The following PRR5L variants were observed in gnomAD, a reference collection of about 807,000 sequenced individuals.
PRR5L encodes proline rich 5 like, also known as proline-rich protein 5-like.
PRR5L carries 21 observed loss-of-function variants against 36.4 expected under a neutral mutation model. The ratio of observed to expected loss-of-function variants is 0.58; its 90% CI spans 0.41 to 0.83. The LOEUF is 0.83. Ranked by LOEUF, PRR5L falls within the 40% of genes least tolerant of loss-of-function variation. The probability of loss-of-function intolerance (pLI) is 0.00; values close to 1 mark genes in which losing one functional copy is unlikely to be tolerated. For synonymous variants in PRR5L, 188 were observed against 197.0 expected (o/e 0.95, Z 0.38); for missense variants, 381 against 473.3 (o/e 0.80, Z 1.81).
chr11:36,336,529 CTTTTT>C (rs36024089), intron 1 of PRR5L, among the ~76,000 whole-genome samples: 15 of 104,254 alleles, frequency 1.4e-4, no homozygotes, highest in Non-Finnish European at 2.2e-4. Context: ...CGCGCCTGGC[CTTTTT>C]TTTTTTTTTT....
intron 1 of PRR5L, among the ~76,000 whole-genome samples, chr11:36,302,299 A>G (rs1238555172): frequency 6.6e-6 from 1 of 152,220 alleles, no homozygotes; most frequent in East Asian, 1.9e-4. Flanking sequence ...TGTACTAGGC[A>G]GAGAGGGAAC....
rs1432002098 is a variant in PRR5L, at chr11:36,388,688, C to CTCTT, written c.-125-12299_-125-12296dup. Among the ~76,000 whole-genome samples the CTCTT allele has an allele frequency of 4.0e-5, 4 of 100,330 alleles. No homozygotes were observed. The South Asian group carries it at 1.2e-3, about 30-fold the overall frequency. The allele number at this position is 100,330 out of a possible 152,430, so 65.8% of individuals were successfully genotyped here. ...TAGCCTTTCTTTCATTCAAGGTCGG[C>CTCTT]TCTTTCTTTCTTTTTTTTTTTTTTT... On this transcript the variant is annotated intron_variant, in intron 1 of 8. Coordinates refer to ENST00000530639, the MANE Select transcript of PRR5L (RefSeq NM_001160167.2).
intron 7 of PRR5L, among the ~76,000 whole-genome samples, chr11:36,446,811 G>T (rs1858841698): frequency 6.6e-6 from 1 of 152,194 alleles, no homozygotes; most frequent in African/African-American, 2.4e-5. Flanking sequence ...TCCCTGAAAA[G>T]CTCCTAGGGC....
rs112165009 is a variant in PRR5L, at chr11:36,418,424, T to G, written c.246-831T>G. Among the ~76,000 whole-genome samples, 160 of 152,282 alleles carry G rather than the reference T, an allele frequency of 1.1e-3. 1 individual carries two copies. The highest frequency in any genetic ancestry group is 3.5e-3 in the African/African-American group (147 of 41,558). On this transcript the variant is annotated intron_variant, in intron 3 of 8. Transcript: ENST00000530639. ...AAAGATGTTGAATTTGCAGAAAGTC[T>G]GGGTTCACATCTTGGCTCTGCCACT...
intron 1 of PRR5L, among the ~76,000 whole-genome samples, chr11:36,312,338 G>A (rs1402802966): frequency 6.6e-6 from 1 of 152,146 alleles, no homozygotes; most frequent in Non-Finnish European, 1.5e-5. Flanking sequence ...GAAAAGATGG[G>A]AAAGTACAAA....
At chr11:36,350,930 T>A (rs1022313244) in intron 1 of PRR5L, among the ~76,000 whole-genome samples, 45 of 34,064 alleles carry the variant, frequency 1.3e-3, no homozygotes, top group Non-Finnish European at 1.5e-3. Flanking sequence ...TTATATATAT[T>A]TATATATTTA....
chr11:36,364,166 A>G (rs1857121712), intron 1 of PRR5L, among the ~76,000 whole-genome samples: 1 of 152,188 alleles, frequency 6.6e-6, no homozygotes, highest in African/African-American at 2.4e-5. Flanking sequence ...GGAAATAATA[A>G]TAATTGCACT....
chr11:36,395,993 G>A (rs1196894116), intron 1 of PRR5L: 2 of 152,180 alleles, frequency 1.3e-5, no homozygotes, highest in African/African-American at 4.8e-5. Context: ...GCCTCCCAAA[G>A]TGCTGGGATT....
chr11:36,426,909 T>C (rs1405156809), intron 4 of PRR5L, among the ~76,000 whole-genome samples: 2 of 152,174 alleles, frequency 1.3e-5, no homozygotes, highest in African/African-American at 4.8e-5. Flanking sequence ...TACCTAGCCT[T>C]CTTGGTTATC....
At chr11:36,433,922 T>C (rs1431926685) in intron 5 of PRR5L, among the ~76,000 whole-genome samples, 1 of 152,196 alleles carries the variant, frequency 6.6e-6, no homozygotes, top group East Asian at 1.9e-4. Context: ...GGAAACATTA[T>C]CCCTGGCCAT....
intron 7 of PRR5L, among the ~76,000 whole-genome samples, chr11:36,450,962 A>C (rs1408477949): frequency 1.3e-5 from 2 of 152,254 alleles, no homozygotes; most frequent in East Asian, 3.9e-4. Context: ...GGACACCCAC[A>C]CTGCATTGGT....
intron 4 of PRR5L, among the ~76,000 whole-genome samples, chr11:36,421,924 G>A (rs1330801920): frequency 6.6e-6 from 1 of 152,188 alleles, no homozygotes; most frequent in African/African-American, 2.4e-5. Flanking sequence ...TAGGGATGCT[G>A]ACTAGTTAGG....
At chr11:36,347,101 G>A (rs1432821417) in intron 1 of PRR5L, among the ~76,000 whole-genome samples, 2 of 152,180 alleles carry the variant, frequency 1.3e-5, no homozygotes, top group South Asian at 2.1e-4. Context: ...TATAAGAATA[G>A]GCTCCAAACT....
rs1859260183 is a variant in PRR5L, at chr11:36,464,696, A to G, written c.*1960A>G. 6.6e-6 allele frequency: 1 copy of G among 152,146 alleles called. No individual in the cohort carries two copies. The highest frequency in any genetic ancestry group is 2.4e-5 in the African/African-American group (1 of 41,448). 9.4% of individuals were successfully genotyped at this position (152,146 alleles called of 1,614,324 possible). A position where few individuals can be genotyped will look rare whatever the true frequency, so the allele number is the denominator to read the frequency against. ...TAGTATTTATTGATCCAGGCAAAGT[A>G]ATTAATTAATCATGCTTGGGCTTAC... is the stretch of plus-strand genomic sequence containing the variant. On this transcript the variant is annotated 3_prime_UTR_variant, in exon 9 of 9. Transcript: ENST00000530639.
intron 8 of PRR5L, among the ~76,000 whole-genome samples, chr11:36,457,213 C>T (rs1000815630): frequency 1.3e-5 from 2 of 152,216 alleles, no homozygotes; most frequent in African/African-American, 4.8e-5. Context: ...CTGGTCCCAG[C>T]CTTTCTTCCA....
intron 1 of PRR5L, among the ~76,000 whole-genome samples, chr11:36,397,499 C>G (rs1857690102): frequency 8.2e-6 from 1 of 122,240 alleles, no homozygotes; most frequent in East Asian, 2.6e-4. Flanking sequence ...CTTTGTTGCC[C>G]AGGCTGGAGT....
In PRR5L at chr11:36,309,624, C is replaced by CATGATGGTGGTGGTGGTAGTGGGG. The variant is rs1554983235; in HGVS notation, c.-126+13193_-126+13216dup. 1.8e-3 allele frequency among the ~76,000 whole-genome samples: 143 copies of CATGATGGTGGTGGTGGTAGTGGGG among 80,366 alleles called. 35 individuals carry two copies. The highest frequency in any genetic ancestry group is 3.5e-3 in the South Asian group (8 of 2,300). 52.7% of individuals were successfully genotyped at this position (80,366 alleles called of 152,430 possible). A position where few individuals can be genotyped will look rare whatever the true frequency, so the allele number is the denominator to read the frequency against. The stretch of plus-strand genomic sequence containing the variant: ...GTCTTTTACTGTTGGTGGTAGTGAG[C>CATGATGGTGGTGGTGGTAGTGGGG]ATGATGGTGGTGGTGGTAGTGGGGA... On this transcript the variant is annotated intron_variant, in intron 1 of 8. Transcript: ENST00000530639.
At chr11:36,308,074 G>A (rs1240743600) in intron 1 of PRR5L, among the ~76,000 whole-genome samples, 1 of 152,196 alleles carries the variant, frequency 6.6e-6, no homozygotes, top group Non-Finnish European at 1.5e-5. Context: ...CTGGAGGTGG[G>A]TCATTGTCCC....
chr11:36,298,909 T>C (rs1310592050), intron 1 of PRR5L, among the ~76,000 whole-genome samples: 1 of 152,214 alleles, frequency 6.6e-6, no homozygotes, highest in Non-Finnish European at 1.5e-5. Context: ...AAATGTCCTC[T>C]TCTTATAAGG....
Sources: gnomAD v4.1 joint callset for allele counts (sites outside exome capture counted in the v4.1 genomes callset) on GRCh38, gnomAD v4.1.1 for gene constraint, MANE v1.5 for transcripts, NCBI Gene and HGNC (gene_info 2026-07-23, HGNC 2026-07-21) for gene names.